The following GRIK2 variants were observed in gnomAD, a reference collection of about 807,000 sequenced individuals.
GRIK2 encodes the protein glutamate ionotropic receptor kainate type subunit 2.
A neutral mutation model predicts 100.3 loss-of-function variants in GRIK2; 32 were observed. That is an observed-to-expected ratio of 0.32 (90% CI 0.24 to 0.43). The LOEUF is 0.43. Ranked by LOEUF, GRIK2 falls within the 20% of genes least tolerant of loss-of-function variation. The pLI is 1.00. For missense variants in GRIK2, 843 were observed against 1,114.9 expected (o/e 0.76, Z 3.47); for synonymous variants, 417 against 389.4 (o/e 1.07, Z -0.83).
intron 4 of GRIK2, among the ~76,000 whole-genome samples, chr6:101,629,129 T>G (rs1780595703): frequency 6.6e-6 from 1 of 152,114 alleles, no homozygotes; most frequent in Admixed American, 6.6e-5. Context: ...TTATATACAT[T>G]TAATGGAGTC....
At chr6:101,961,318 G>T (rs1288040932) in intron 14 of GRIK2, among the ~76,000 whole-genome samples, 3 of 152,142 alleles carry the variant, frequency 2.0e-5, no homozygotes, top group Non-Finnish European at 4.4e-5. Flanking sequence ...TCTGCAGCGG[G>T]AATGCTGCTG....
intron 12 of GRIK2, among the ~76,000 whole-genome samples, chr6:101,918,107 T>A (rs1242267022): frequency 6.6e-6 from 1 of 151,610 alleles, no homozygotes; most frequent in Admixed American, 6.6e-5. Flanking sequence ...ACCAGAATAT[T>A]ACCGTTAACT....
chr6:101,496,535 T>C (rs1257835733), intron 2 of GRIK2, among the ~76,000 whole-genome samples: 1 of 152,190 alleles, frequency 6.6e-6, no homozygotes, highest in East Asian at 1.9e-4. Flanking sequence ...CTATGCATGA[T>C]ATATATTTTG....
intron 4 of GRIK2, among the ~76,000 whole-genome samples, chr6:101,634,133 A>G (rs554380905): frequency 6.6e-6 from 1 of 152,238 alleles, no homozygotes; most frequent in Admixed American, 6.6e-5. Context: ...CAACACTGGA[A>G]GCAGGGGAAT....
At chr6:101,901,371 T>A (rs537959448) in intron 12 of GRIK2, among the ~76,000 whole-genome samples, 1 of 152,130 alleles carries the variant, frequency 6.6e-6, no homozygotes. Context: ...CAGTTTTGAA[T>A]GTCTAATTAT....
intron 2 of GRIK2, among the ~76,000 whole-genome samples, chr6:101,547,216 T>G (rs1206362643): frequency 6.6e-6 from 1 of 151,196 alleles, no homozygotes; most frequent in Non-Finnish European, 1.5e-5. Context: ...TCCTACAACA[T>G]GTGAAATCAT....
At chr6:101,695,122 CAG>C (rs1772387448) in intron 7 of GRIK2, among the ~76,000 whole-genome samples, 1 of 151,872 alleles carries the variant, frequency 6.6e-6, no homozygotes, top group Admixed American at 6.6e-5. Context: ...TAATAAAAAA[CAG>C]AAATTTATCT....
chr6:101,672,004 G>A (rs1770473932), intron 4 of GRIK2, among the ~76,000 whole-genome samples: 1 of 152,110 alleles, frequency 6.6e-6, no homozygotes, highest in Non-Finnish European at 1.5e-5. Context: ...TGGAAATTAA[G>A]GTGTCTCATG....
rs569847858 is a variant in GRIK2, at chr6:101,845,225, C to T, written c.1318-14062C>T. On this transcript the variant is annotated intron_variant, in intron 10 of 16. Transcript: ENST00000369134. ...TACAGATGGGGTCTCGCTATGTTGC[C>T]CAAGTGGGTCCTGGCCTCAAACAGT... is the stretch of plus-strand genomic sequence containing the variant. 6.6e-5 allele frequency among the ~76,000 whole-genome samples: 10 copies of T among 152,110 alleles called. No individual in the cohort carries two copies. In the South Asian group the frequency reaches 1.2e-3, roughly 19 times the overall value.
chr6:101,620,541 G>A (rs1287292439), intron 2 of GRIK2, among the ~76,000 whole-genome samples: 2 of 151,974 alleles, frequency 1.3e-5, no homozygotes, highest in Non-Finnish European at 2.9e-5. Context: ...ACAACATTAC[G>A]ACTTCTTACT....
chr6:101,810,595 A>C (rs1293309250), intron 9 of GRIK2, among the ~76,000 whole-genome samples: 1 of 152,082 alleles, frequency 6.6e-6, no homozygotes, highest in Non-Finnish European at 1.5e-5. Context: ...GCTGGCAGGA[A>C]GCACATAGGC....
At chr6:101,436,657 C>T (rs529460870) in intron 2 of GRIK2, among the ~76,000 whole-genome samples, 1 of 152,012 alleles carries the variant, frequency 6.6e-6, no homozygotes, top group Admixed American at 6.6e-5. Context: ...TCAGATTCTT[C>T]TCAGTTCATT....
At chr6:101,873,754 C>A (rs1582428420) in intron 11 of GRIK2, among the ~76,000 whole-genome samples, 1 of 151,764 alleles carries the variant, frequency 6.6e-6, no homozygotes, top group African/African-American at 2.4e-5. Flanking sequence ...CTCTCCAGCA[C>A]CTGTTGTTTC....
At position 101,399,266 on chromosome 6, in the gene GRIK2, C is replaced by T. The variant is rs775173103; in HGVS notation, c.-12C>T. The T allele has an allele frequency of 7.7e-7, 1 of 1,307,100 alleles. No individual in the cohort carries two copies. Among genetic ancestry groups the T allele is most frequent in the Non-Finnish European group, 1.1e-6 (1 of 899,508 alleles). The allele number at this position is 1,307,100 out of a possible 1,614,324, so 81.0% of individuals were successfully genotyped here. A position where few individuals can be genotyped will look rare whatever the true frequency, so the allele number is the denominator to read the frequency against. On this transcript the variant is annotated 5_prime_UTR_variant, in exon 2 of 17. Coordinates refer to ENST00000369134, the MANE Select transcript of GRIK2 (RefSeq NM_021956.5). ...GGGAAGTGGGTGCCGTGCGTGTGGG[C>T]ACAGAAACACCATGAAGATTATTTT... is the stretch of plus-strand genomic sequence containing the variant.
Position 101,576,003 on chromosome 6 carries a change from T to A in GRIK2, c.116-45946T>A, listed in dbSNP as rs142612901. ...TCAGACAGCTAAACAACCAAGATGT[T>A]TGAGTCTAGAATTTGTGTATTTAAT... On this transcript the variant is annotated intron_variant, in intron 2 of 16. Coordinates refer to ENST00000369134, the MANE Select transcript of GRIK2 (RefSeq NM_021956.5). 5.9e-5 allele frequency among the ~76,000 whole-genome samples: 9 copies of A among 152,152 alleles called. No individual in the cohort carries two copies. The East Asian group carries it at 1.7e-3, about 29-fold the overall frequency.
intron 11 of GRIK2, among the ~76,000 whole-genome samples, chr6:101,883,413 G>A (rs1331283039): frequency 6.6e-6 from 1 of 151,920 alleles, no homozygotes; most frequent in Non-Finnish European, 1.5e-5. Flanking sequence ...ACTACTTTGT[G>A]CCAGTCACTG....
intron 7 of GRIK2, among the ~76,000 whole-genome samples, chr6:101,792,699 T>C (rs1779968719): frequency 1.3e-5 from 2 of 152,148 alleles, no homozygotes; most frequent in Non-Finnish European, 2.9e-5. Flanking sequence ...GAGTTGCTCT[T>C]CTCGAGGAGT....
intron 16 of GRIK2, among the ~76,000 whole-genome samples, chr6:102,062,692 C>T (rs2114527063): frequency 6.6e-6 from 1 of 150,506 alleles, no homozygotes; most frequent in South Asian, 2.1e-4. Context: ...CATTGCTTCA[C>T]TGTTATATTC....
intron 4 of GRIK2, among the ~76,000 whole-genome samples, chr6:101,668,105 G>C (rs945939391): frequency 6.6e-6 from 1 of 152,142 alleles, no homozygotes; most frequent in African/African-American, 2.4e-5. Context: ...ATTCAGACTT[G>C]AGTATGTCCC....
Sources: gnomAD v4.1 joint callset for allele counts (sites outside exome capture counted in the v4.1 genomes callset) on GRCh38, gnomAD v4.1.1 for gene constraint, MANE v1.5 for transcripts, NCBI Gene and HGNC (gene_info 2026-07-23, HGNC 2026-07-21) for gene names.